Variants in DNAI3 observed in about 807,000 individuals in gnomAD.
DNAI3 encodes the protein WD repeat domain 63.
In DNAI3, 83 loss-of-function variants were observed where a neutral mutation model predicts 115.5. That is an observed-to-expected ratio of 0.72 (90% confidence interval 0.60 to 0.86). DNAI3 has a LOEUF of 0.86. Ranked by LOEUF, DNAI3 falls within the 40% of genes least tolerant of loss-of-function variation. The pLI is 0.00. For missense variants in DNAI3, 1,004 were observed against 1,075.8 expected (o/e 0.93, Z 0.93); for synonymous variants, 320 against 347.0 (o/e 0.92, Z 0.86).
intron 10 of DNAI3, 26 bp downstream of exon 10, chr1:85,094,581 G>A (rs709764): frequency 0.09 from 144,676 of 1,608,292 alleles, 9,413 homozygotes; most frequent in African/African-American, 0.32. Context: ...TGCCTACATA[G>A]CCTAAATTTT....
At chr1:85,102,826 G>A (rs1030967494) in intron 13 of DNAI3, among the ~76,000 whole-genome samples, 5 of 152,180 alleles carry the variant, frequency 3.3e-5, no homozygotes, top group Non-Finnish European at 7.3e-5. Flanking sequence ...GAATATACGG[G>A]AGAATTATAT....
At position 85,130,068 on chromosome 1, in the gene DNAI3, C is replaced by T; in HGVS notation, c.2488C>T (p.Gln830Ter). The T allele has an allele frequency of 6.2e-7, 1 of 1,613,248 alleles. No homozygotes were observed. Among genetic ancestry groups the T allele is most frequent in the Non-Finnish European group, 8.5e-7 (1 of 1,179,684 alleles). Residue 830 changes from glutamine to a stop codon, truncating the protein, a stop_gained, in exon 22 of 23, where the codon CAA becomes TAA. Transcript: ENST00000294664. LOFTEE classifies it low-confidence loss of function (END_TRUNC). ...YVEQRKKIRE[Q>*]EKKEMELEMA... Reference sequence around the variant, plus strand: ...AGAACAGCGCAAAAAAATTCGTGAGCAAGAAAAGAAAGAAATGGAACTAGA... The same window carrying T: ...AGAACAGCGCAAAAAAATTCGTGAGTAAGAAAAGAAAGAAATGGAACTAGA...
chr1:85,086,127 A>G, intron 7 of DNAI3, 97 bp downstream of exon 7: 1 of 1,110,388 alleles, frequency 9.0e-7, no homozygotes, highest in Admixed American at 2.3e-5. Context: ...ATAAATAGAA[A>G]TGGATTAATG....
chr1:85,114,765 C>T (rs559448907), intron 16 of DNAI3, among the ~76,000 whole-genome samples: 104 of 152,172 alleles, frequency 6.8e-4, no homozygotes, highest in Non-Finnish European at 1.2e-3. Context: ...ACTGGTTTCT[C>T]CTTTGACTGT....
chr1:85,125,271 T>C (rs1266381045), intron 19 of DNAI3, among the ~76,000 whole-genome samples: 12 of 152,076 alleles, frequency 7.9e-5, no homozygotes, highest in Non-Finnish European at 1.8e-4. Flanking sequence ...TGCATATGTG[T>C]ATACCAACTT....
At chr1:85,082,263 T>C in intron 4 of DNAI3, 37 bp from the exon 5 acceptor site, 1 of 1,522,210 alleles carries the variant, frequency 6.6e-7, no homozygotes, top group South Asian at 1.2e-5. Flanking sequence ...GAATGACCAT[T>C]GAACATTAAC....
rs1263607855 is a variant in DNAI3 at position 85,129,980 on chromosome 1, T to C, written c.2410-10T>C. 1 of 1,610,380 alleles carries C rather than the reference T, an allele frequency of 6.2e-7. No individual in the cohort carries two copies. Among genetic ancestry groups the C allele is most frequent in the African/African-American group, 1.3e-5 (1 of 74,654 alleles). The stretch of plus-strand genomic sequence containing the variant: ...CCTGTCACCCTCTCATGGACTTCTG[T>C]TTCTAACAGATGGCAAGTGTCAACC... On this transcript the variant is annotated splice_polypyrimidine_tract_variant and intron_variant, in intron 21 of 22. Transcript: ENST00000294664.
chr1:85,097,440 A>G, intron 11 of DNAI3, 129 bp from the exon 12 acceptor site: 1 of 632,582 alleles, frequency 1.6e-6, no homozygotes, highest in Non-Finnish European at 2.4e-6. Context: ...CTTACTTAAG[A>G]TATAAGCTAC....
At chr1:85,107,769 TA>T (rs1290121257) in intron 14 of DNAI3, among the ~76,000 whole-genome samples, 5 of 152,210 alleles carry the variant, frequency 3.3e-5, no homozygotes, top group African/African-American at 1.2e-4. Flanking sequence ...TATATCTAAA[TA>T]AAACTTACAT....
intron 3 of DNAI3, among the ~76,000 whole-genome samples, chr1:85,078,619 A>G (rs1654535351): frequency 6.6e-6 from 1 of 152,182 alleles, no homozygotes; most frequent in South Asian, 2.1e-4. Flanking sequence ...GTGTGCCTCA[A>G]AGCCTACCCA....
Position 85,105,528 on chromosome 1 carries a change from C to CAAA in DNAI3, c.1553+942_1553+944dup, listed in dbSNP as rs755945527. Among the ~76,000 whole-genome samples, 129 of 51,654 alleles carry CAAA rather than the reference C, an allele frequency of 2.5e-3. 1 individual carries two copies. The highest frequency in any genetic ancestry group is 8.6e-3 in the Admixed American group (43 of 5,006). 33.9% of individuals were successfully genotyped at this position (51,654 alleles called of 152,430 possible). A position where few individuals can be genotyped will look rare whatever the true frequency, so the allele number is the denominator to read the frequency against. ...GGGCAACAAGAGTGAAACTCTGTCT[C>CAAA]AAAAAAAAAAAAAGAAAAAGAAAAA... is the stretch of plus-strand genomic sequence containing the variant. On this transcript the variant is annotated intron_variant, in intron 14 of 22. Transcript: ENST00000294664.
chr1:85,106,630 G>A (rs144842095), intron 14 of DNAI3, among the ~76,000 whole-genome samples: 2 of 152,294 alleles, frequency 1.3e-5, no homozygotes, highest in East Asian at 3.9e-4. Context: ...TTTCTAAACT[G>A]TCTACAAAGC....
intron 22 of DNAI3, among the ~76,000 whole-genome samples, chr1:85,130,920 G>A (rs1656302822): frequency 6.6e-6 from 1 of 152,078 alleles, no homozygotes; most frequent in Non-Finnish European, 1.5e-5. Context: ...GACTCTGCTG[G>A]TCTTCCCTTG....
intron 11 of DNAI3, 96 bp downstream of exon 11, chr1:85,096,116 C>T (rs971646297): frequency 2.6e-6 from 3 of 1,150,750 alleles, no homozygotes; most frequent in Admixed American, 3.6e-5. Flanking sequence ...GGATTCAATT[C>T]AGCAGAAGGA....
At chr1:85,110,703 T>A (rs1052872973) in intron 16 of DNAI3, among the ~76,000 whole-genome samples, 1 of 152,104 alleles carries the variant, frequency 6.6e-6, no homozygotes, top group Non-Finnish European at 1.5e-5. Context: ...TTATGTGTCT[T>A]CAAAAACTCA....
At position 85,077,124 on chromosome 1, in the gene DNAI3, A is replaced by G. The variant is rs150834241; in HGVS notation, c.103+4032A>G. Among the ~76,000 whole-genome samples, 5 of 152,356 alleles carry G rather than the reference A, an allele frequency of 3.3e-5. No individual in the cohort carries two copies. The East Asian group carries it at 9.6e-4, about 29-fold the overall frequency. Reference sequence around the variant, plus strand: ...ACTATAAAGACAGATAAGTAGATCAATGCATGAGAATAGAGTCCAAAAATA... The same window carrying G: ...ACTATAAAGACAGATAAGTAGATCAGTGCATGAGAATAGAGTCCAAAAATA... On this transcript the variant is annotated intron_variant, in intron 3 of 22. Coordinates refer to ENST00000294664, the MANE Select transcript of DNAI3 (RefSeq NM_145172.5).
intron 18 of DNAI3, among the ~76,000 whole-genome samples, chr1:85,123,586 A>G (rs964849038): frequency 1.1e-4 from 16 of 152,304 alleles, no homozygotes; most frequent in East Asian, 3.9e-4. Flanking sequence ...GGCCTACATG[A>G]TGCATCTCCA....
intron 7 of DNAI3, among the ~76,000 whole-genome samples, chr1:85,089,398 C>T (rs945005233): frequency 6.7e-6 from 1 of 149,594 alleles, no homozygotes; most frequent in African/African-American, 2.5e-5. Flanking sequence ...CTCACCCAGT[C>T]TAATACTTGA....
intron 9 of DNAI3, 148 bp from the exon 10 acceptor site, chr1:85,094,283 C>A: frequency 1.9e-6 from 2 of 1,051,992 alleles, no homozygotes; most frequent in Non-Finnish European, 1.4e-6. Context: ...TAGTGGCAAC[C>A]ACATTAGCCA....
Sources: allele counts gnomAD v4.1 joint callset (sites outside exome capture counted in the v4.1 genomes callset), GRCh38; gene constraint gnomAD v4.1.1; transcripts MANE v1.5; gene names NCBI Gene and HGNC (gene_info 2026-07-23, HGNC 2026-07-21).